SLC9A6: variants seen among roughly 807,000 people sequenced by gnomAD.
SLC9A6 encodes sodium/hydrogen exchanger 6.
SLC9A6 carries 6 observed loss-of-function variants against 45.3 expected under a neutral mutation model. The ratio of observed to expected loss-of-function variants is 0.13; its 90% CI spans 0.07 to 0.26. The LOEUF is 0.26. Ranked by LOEUF, SLC9A6 falls within the 10% of genes least tolerant of loss-of-function variation. The pLI is 1.00. For synonymous variants in SLC9A6, 191 were observed against 187.7 expected (o/e 1.02, Z -0.14); for missense variants, 278 against 503.7 (o/e 0.55, Z 4.29).
Position 135,985,620 on chromosome X carries a change from GC to G in SLC9A6, c.-38del, listed in dbSNP as rs2089321337. The stretch of plus-strand genomic sequence containing the variant: ...CCTCGCAGTGGGCGTCTTTGACTGG[GC>G]AGGGGCTTCGGACGGCGGCGGCGGA... On this transcript the variant is annotated 5_prime_UTR_variant, in exon 2 of 18. Coordinates refer to ENST00000630721, the MANE Select transcript of SLC9A6 (RefSeq NM_001379110.1). The G allele has an allele frequency of 8.3e-7, 1 of 1,208,759 alleles. No homozygotes were observed. The highest frequency in any genetic ancestry group is 2.2e-5 in the Admixed American group (1 of 45,821).
chrX:136,006,912 G>A (rs782247358), intron 7 of SLC9A6, among the ~76,000 whole-genome samples: 2 of 110,442 alleles, frequency 1.8e-5, no homozygotes, highest in East Asian at 5.7e-4. Context: ...CGTCACCCAG[G>A]CTGGAGTACA....
chrX:135,998,995 A>G (rs1569524346), intron 6 of SLC9A6, 27 bp downstream of exon 6: 2 of 948,779 alleles, frequency 2.1e-6, no homozygotes, highest in Middle Eastern at 2.6e-4. Flanking sequence ...TGGAGTTTAC[A>G]TACTTGAGGT....
intron 1 of SLC9A6, among the ~76,000 whole-genome samples, chrX:135,978,641 G>A (rs1395792586): frequency 1.0e-5 from 1 of 100,238 alleles, no homozygotes; most frequent in East Asian, 3.1e-4. Context: ...AACAGAGCGA[G>A]ACTCCATCTC....
intron 16 of SLC9A6, among the ~76,000 whole-genome samples, chrX:136,033,886 G>T (rs1030573192): frequency 5.4e-5 from 6 of 112,018 alleles, no homozygotes; most frequent in Non-Finnish European, 1.1e-4. Flanking sequence ...TTGGGAAAAA[G>T]CATGAGAATG....
intron 1 of SLC9A6, among the ~76,000 whole-genome samples, chrX:135,979,270 A>C (rs1556613677): frequency 9.0e-6 from 1 of 111,439 alleles, no homozygotes; most frequent in East Asian, 2.8e-4. Flanking sequence ...ACATGAATAT[A>C]GGCATTTTCT....
chrX:136,023,696 AG>A (rs1342481661), intron 12 of SLC9A6, among the ~76,000 whole-genome samples: 1 of 110,471 alleles, frequency 9.1e-6, no homozygotes, highest in Non-Finnish European at 1.9e-5. Flanking sequence ...TGACAGGGGG[AG>A]GGATGATGAA....
intron 17 of SLC9A6, among the ~76,000 whole-genome samples, chrX:136,042,905 T>G (rs782486612): frequency 8.9e-6 from 1 of 112,182 alleles, no homozygotes; most frequent in African/African-American, 3.2e-5. Flanking sequence ...AGTCATTTCC[T>G]TTTTTGCTAT....
chrX:135,993,018 A>G (rs2089454538), intron 2 of SLC9A6, among the ~76,000 whole-genome samples: 1 of 112,184 alleles, frequency 8.9e-6, no homozygotes, highest in African/African-American at 3.2e-5. Flanking sequence ...GTGGTATACT[A>G]TGCATGGAGT....
At chrX:135,974,755 G>A (rs901369060) in exon 1 of SLC9A6, 61 of 338,458 alleles carry the variant, frequency 1.8e-4, no homozygotes, top group South Asian at 1.5e-3. Flanking sequence ...TACTTGGCTC[G>A]CGGGAAGTGC....
At chrX:136,040,752 A>G (rs1387929301) in intron 17 of SLC9A6, among the ~76,000 whole-genome samples, 1 of 112,715 alleles carries the variant, frequency 8.9e-6, no homozygotes, top group Non-Finnish European at 1.9e-5. Context: ...TGCTACTAAG[A>G]AAAAAATAAC....
intron 17 of SLC9A6, among the ~76,000 whole-genome samples, 197 bp downstream of exon 17, chrX:136,040,378 C>A (rs1316781245): frequency 3.6e-5 from 4 of 111,940 alleles, no homozygotes; most frequent in African/African-American, 1.3e-4. Flanking sequence ...GCCTTTGAAA[C>A]AGCATTTGAA....
intron 13 of SLC9A6, among the ~76,000 whole-genome samples, chrX:136,027,321 G>A (rs1394098720): frequency 9.0e-6 from 1 of 111,601 alleles, no homozygotes; most frequent in African/African-American, 3.3e-5. Context: ...TCTTACCTAC[G>A]TGACTAGATG....
At chrX:136,040,202 A>T (rs1223267079) in intron 17 of SLC9A6, 21 bp downstream of exon 17, 1 of 1,073,005 alleles carries the variant, frequency 9.3e-7, no homozygotes, top group Non-Finnish European at 1.3e-6. Context: ...TTTATCCAAA[A>T]CTAAATTCTT....
intron 10 of SLC9A6, among the ~76,000 whole-genome samples, chrX:136,015,585 A>G (rs1335491696): frequency 8.9e-6 from 1 of 112,231 alleles, no homozygotes; most frequent in Non-Finnish European, 1.9e-5. Context: ...GAGATAATGC[A>G]TATGAAGTCC....
Position 136,002,142 on chromosome X carries a change from T to C in SLC9A6, c.672T>C (p.Val224=). 1 of 1,208,137 alleles carries C rather than the reference T, an allele frequency of 8.3e-7. No individual in the cohort carries two copies. The highest frequency in any genetic ancestry group is 1.1e-6 in the Non-Finnish European group (1 of 892,215). Residue 224 remains valine (V), a synonymous_variant, in exon 7 of 18, where the codon GTT becomes GTC. Coordinates refer to ENST00000630721, the MANE Select transcript of SLC9A6 (RefSeq NM_001379110.1). ...TVLAIFHELQ[V]DVELYALLFG... is the part of the protein sequence containing the mutation. ...TTGCTATATTCCACGAGCTTCAAGT[T>C]GATGTTGAACTCTATGCACTTCTTT...
At chrX:136,030,053 G>A in intron 14 of SLC9A6, 79 bp from the exon 15 acceptor site, 1 of 913,006 alleles carries the variant, frequency 1.1e-6, no homozygotes, top group South Asian at 2.0e-5. Context: ...GAGAAAAGTA[G>A]TTGCCTGACA....
intron 13 of SLC9A6, among the ~76,000 whole-genome samples, chrX:136,025,311 C>G (rs145382009): frequency 1.8e-5 from 2 of 112,580 alleles, no homozygotes; most frequent in Non-Finnish European, 3.8e-5. Flanking sequence ...GCTGCTAAAG[C>G]CTTTGTAGAT....
chrX:136,027,127 C>A lies in SLC9A6; in HGVS notation c.1461-1759C>A, dbSNP rs782016147. On this transcript the variant is annotated intron_variant, in intron 13 of 17. Transcript: ENST00000630721. Reference sequence around the variant, plus strand: ...AAAAGGTTCCTCGACTCATAACATCCATACTTTAGTGAGAGAAGACAGACA... The same window carrying A: ...AAAAGGTTCCTCGACTCATAACATCAATACTTTAGTGAGAGAAGACAGACA... Among the ~76,000 whole-genome samples the A allele has an allele frequency of 1.1e-4, 12 of 112,033 alleles. No individual in the cohort carries two copies. In the Admixed American group the frequency reaches 1.1e-3, roughly 11 times the overall value.
chrX:135,996,998 C>A (rs933963492), intron 3 of SLC9A6, among the ~76,000 whole-genome samples: 12 of 111,009 alleles, frequency 1.1e-4, no homozygotes, highest in Non-Finnish European at 2.3e-4. Flanking sequence ...GATCTCCTGA[C>A]TTTGTGATCC....
Sources: gnomAD v4.1 joint callset for allele counts (sites outside exome capture counted in the v4.1 genomes callset) on GRCh38, gnomAD v4.1.1 for gene constraint, MANE v1.5 for transcripts, NCBI Gene and HGNC (gene_info 2026-07-23, HGNC 2026-07-21) for gene names.